The following TRUB2 variants were observed in gnomAD, a reference collection of about 807,000 sequenced individuals.
The protein encoded by TRUB2 is pseudouridylate synthase TRUB2, mitochondrial.
In TRUB2, 31 loss-of-function variants were observed where a neutral mutation model predicts 31.9. That is an observed-to-expected ratio of 0.97 (90% CI 0.73 to 1.31). The LOEUF is 1.31. TRUB2 is among the 50% of genes most tolerant of loss of function. The pLI is 0.00. For synonymous variants in TRUB2, 201 were observed against 182.6 expected, an observed-to-expected ratio of 1.10 and a Z score of -0.81; for missense variants, 451 against 439.6, an observed-to-expected ratio of 1.03 and a Z score of -0.23.
chr9:128,319,250 CAGG>C (rs1832121306), intron 2 of TRUB2, among the ~76,000 whole-genome samples: 2 of 151,062 alleles, frequency 1.3e-5, no homozygotes, highest in African/African-American at 4.9e-5. Context: ...GGCGTGAACC[CAGG>C]AGGAGAAGCT....
At chr9:128,312,437 C>CT (rs954136259) in intron 5 of TRUB2, among the ~76,000 whole-genome samples, 50 of 132,816 alleles carry the variant, frequency 3.8e-4, no homozygotes, top group African/African-American at 5.6e-4. Flanking sequence ...CGAACCTGGC[C>CT]TTTTTTTTTT....
chr9:128,317,687 G>A (rs1354015474), intron 2 of TRUB2, among the ~76,000 whole-genome samples: 1 of 152,136 alleles, frequency 6.6e-6, no homozygotes, highest in Non-Finnish European at 1.5e-5. Context: ...GGAATCTAGG[G>A]GAAGAGTCCA....
intron 7 of TRUB2, among the ~76,000 whole-genome samples, chr9:128,310,595 G>A (rs1472475189): frequency 1.3e-5 from 2 of 151,954 alleles, no homozygotes; most frequent in African/African-American, 2.4e-5. Flanking sequence ...TCAAACATGG[G>A]CAGCTCTGGA....
At chr9:128,314,143 T>C (rs1832028094) in intron 4 of TRUB2, among the ~76,000 whole-genome samples, 1 of 152,198 alleles carries the variant, frequency 6.6e-6, no homozygotes, top group South Asian at 2.1e-4. Context: ...CTCACAGTAC[T>C]GCTGCCTGGA....
intron 7 of TRUB2, among the ~76,000 whole-genome samples, 162 bp downstream of exon 7, chr9:128,310,725 G>T (rs1831952668): frequency 6.6e-6 from 1 of 152,166 alleles, no homozygotes; most frequent in African/African-American, 2.4e-5. Flanking sequence ...GGCCAGGGCT[G>T]GGAAGGAAGT....
chr9:128,312,647 G>A (rs1831993119), intron 5 of TRUB2, among the ~76,000 whole-genome samples: 1 of 134,132 alleles, frequency 7.5e-6, no homozygotes, highest in African/African-American at 2.8e-5. Flanking sequence ...ACGGAGTCTC[G>A]CTTTGTTGCC....
chr9:128,316,258 G>A (rs375246659), intron 3 of TRUB2: 2 of 152,698 alleles, frequency 1.3e-5, no homozygotes, highest in Non-Finnish European at 2.9e-5. Context: ...CAGGCGTGGT[G>A]GCGGGCACCT....
In TRUB2 at chr9:128,322,421, C is replaced by T. The variant is rs1277151425; in HGVS notation, c.-13G>A. On this transcript the variant is annotated 5_prime_UTR_variant, in exon 1 of 8. In the 5' UTR this introduces an upstream ATG that the reference lacks. Transcript: ENST00000372890. The stretch of plus-strand genomic sequence containing the variant: ...CAGCAGACCCCATACTTGAAGATCA[C>T]AGCACCCGCTGGACCTGGACGGAAG... 1 of 1,613,870 alleles carries T rather than the reference C, an allele frequency of 6.2e-7. No homozygotes were observed. The highest frequency in any genetic ancestry group is 8.5e-7 in the Non-Finnish European group (1 of 1,179,834).
At chr9:128,311,366 G>T in intron 6 of TRUB2, 163 bp downstream of exon 6, 2 of 757,880 alleles carry the variant, frequency 2.6e-6, no homozygotes, top group Non-Finnish European at 4.4e-6. Flanking sequence ...CCAAGACCTG[G>T]CACACAGAAC....
intron 5 of TRUB2, 132 bp downstream of exon 5, chr9:128,313,676 G>A (rs868423327): frequency 4.0e-5 from 31 of 768,760 alleles, no homozygotes; most frequent in African/African-American, 8.6e-5. Flanking sequence ...CACAGATCCC[G>A]TGGCCAAAGC....
chr9:128,316,951 G>C, intron 3 of TRUB2: 2 of 557,102 alleles, frequency 3.6e-6, no homozygotes, highest in Admixed American at 6.6e-5. Context: ...CTGAATAAAG[G>C]TGGGTGACTG....
intron 2 of TRUB2, among the ~76,000 whole-genome samples, chr9:128,320,336 AT>A (rs111456770): frequency 0.28 from 39,900 of 142,760 alleles, 8,229 homozygotes; most frequent in African/African-American, 0.6. Flanking sequence ...CACCTGGCTA[AT>A]TTTTTTTTTT....
chr9:128,322,192 GC>G (rs1280886445), intron 1 of TRUB2, 107 bp downstream of exon 1: 2 of 879,290 alleles, frequency 2.3e-6, no homozygotes, highest in African/African-American at 3.3e-5. Flanking sequence ...AAAGCGCTCT[GC>G]CCAGGTGAAT....
chr9:128,315,537 G>A, intron 4 of TRUB2, 30 bp downstream of exon 4: 1 of 1,608,606 alleles, frequency 6.2e-7, no homozygotes, highest in Non-Finnish European at 8.5e-7. Flanking sequence ...AGGACCAAGG[G>A]AGAAGCAGGC....
At chr9:128,315,080 T>C (rs957104534) in intron 4 of TRUB2, among the ~76,000 whole-genome samples, 1 of 152,288 alleles carries the variant, frequency 6.6e-6, no homozygotes, top group South Asian at 2.1e-4. Context: ...TCAGACTCCA[T>C]AGCCCCGACC....
In TRUB2 at chr9:128,312,037, G is replaced by A. The variant is rs192481564; in HGVS notation, c.461-436C>T. Reference sequence around the variant, plus strand: ...TTTTTAGTAGCAAGGGGGTTTCACCGTGTTAGCCAGGATGGTCTCGATCTC... The same window carrying A: ...TTTTTAGTAGCAAGGGGGTTTCACCATGTTAGCCAGGATGGTCTCGATCTC... On this transcript the variant is annotated intron_variant, in intron 5 of 7. Coordinates refer to ENST00000372890, the MANE Select transcript of TRUB2 (RefSeq NM_015679.3). 4.0e-3 allele frequency among the ~76,000 whole-genome samples: 606 copies of A among 151,108 alleles called. 4 individuals are homozygous for A. Among genetic ancestry groups the A allele is most frequent in the African/African-American group, 0.014 (572 of 41,132 alleles).
At chr9:128,312,892 G>A (rs7861810) in intron 5 of TRUB2, among the ~76,000 whole-genome samples, 7,558 of 151,874 alleles carry the variant, frequency 0.05, 334 homozygotes, top group African/African-American at 0.12. Flanking sequence ...GATTACAGGC[G>A]TGAGCCACTG....
At position 128,319,097 on chromosome 9, in the gene TRUB2, C is replaced by G. The variant is rs1476478206; in HGVS notation, c.242-1871G>C. On this transcript the variant is annotated intron_variant, in intron 2 of 7. Coordinates refer to ENST00000372890, the MANE Select transcript of TRUB2 (RefSeq NM_015679.3). ...ATCCCAGCACTTTGGGAGGCCGAGG[C>G]GGGTGGATCACGAGGTCAGGAGATC... 2.0e-5 allele frequency among the ~76,000 whole-genome samples: 3 copies of G among 151,800 alleles called. No individual in the cohort carries two copies. In the South Asian group the frequency reaches 6.3e-4, roughly 32 times the overall value.
intron 2 of TRUB2, among the ~76,000 whole-genome samples, chr9:128,317,649 G>A (rs1055798261): frequency 2.6e-5 from 4 of 152,240 alleles, no homozygotes; most frequent in African/African-American, 9.6e-5. Flanking sequence ...GAATGAGCCA[G>A]AAGTGTTTAC....
Sources: allele counts gnomAD v4.1 joint callset (sites outside exome capture counted in the v4.1 genomes callset), GRCh38; gene constraint gnomAD v4.1.1; transcripts MANE v1.5; gene names NCBI Gene and HGNC (gene_info 2026-07-23, HGNC 2026-07-21).